The following PTPRG variants were observed in gnomAD, a reference collection of about 807,000 sequenced individuals.
PTPRG encodes receptor-type tyrosine-protein phosphatase gamma.
Under a neutral mutation model 165.3 loss-of-function variants are expected in PTPRG, and 102 were observed. That is an observed-to-expected ratio of 0.62 (90% CI 0.53 to 0.73). The LOEUF (loss-of-function observed/expected upper bound fraction) is 0.73, where lower values mean the gene tolerates loss of function less well. Ranked by LOEUF, PTPRG falls within the 30% of genes least tolerant of loss-of-function variation. The pLI, the probability that PTPRG is intolerant of heterozygous loss-of-function variation, is 0.00. For missense variants in PTPRG, 1,866 were observed against 1,861.4 expected (o/e 1.00, Z -0.05); for synonymous variants, 675 against 669.5 (o/e 1.01, Z -0.13).
intron 2 of PTPRG, among the ~76,000 whole-genome samples, chr3:61,958,448 A>T (rs143874647): frequency 4.8e-4 from 73 of 152,282 alleles, no homozygotes; most frequent in African/African-American, 1.6e-3. Context: ...ATTATCTTGA[A>T]TCGGGTAAAA....
chr3:61,638,591 G>GTTTTGT lies in PTPRG; in HGVS notation c.85+76223_85+76224insGTTTTT, dbSNP rs1701981345. ...AGGCACACACCACCATGCCTGGCTA[G>GTTTTGT]TTTTTTTTTTTTTTTTTTTTTTTTT... is the stretch of plus-strand genomic sequence containing the variant. On this transcript the variant is annotated intron_variant, in intron 1 of 29. Coordinates refer to ENST00000474889, the MANE Select transcript of PTPRG (RefSeq NM_002841.4). 3.4e-5 allele frequency among the ~76,000 whole-genome samples: 2 copies of GTTTTGT among 58,704 alleles called. 1 individual carries two copies. The highest frequency in any genetic ancestry group is 5.9e-5 in the Non-Finnish European group (2 of 33,640). 38.5% of individuals were successfully genotyped at this position (58,704 alleles called of 152,430 possible).
chr3:61,605,603 C>T (rs1700982321), intron 1 of PTPRG, among the ~76,000 whole-genome samples: 1 of 151,888 alleles, frequency 6.6e-6, no homozygotes, highest in Non-Finnish European at 1.5e-5. Flanking sequence ...GAGTCTTGCT[C>T]CGTCACCTAG....
At chr3:61,745,405 G>A (rs1158227876) in intron 1 of PTPRG, among the ~76,000 whole-genome samples, 1 of 152,150 alleles carries the variant, frequency 6.6e-6, no homozygotes, top group Non-Finnish European at 1.5e-5. Flanking sequence ...TGAGTGGTAG[G>A]TTGACAGTAG....
At chr3:61,910,999 C>T (rs1185537714) in intron 2 of PTPRG, among the ~76,000 whole-genome samples, 1 of 152,162 alleles carries the variant, frequency 6.6e-6, no homozygotes, top group African/African-American at 2.4e-5. Flanking sequence ...CTGGGCTCAG[C>T]ACCTCTTATT....
chr3:61,798,603 G>A (rs980268328), intron 2 of PTPRG, among the ~76,000 whole-genome samples: 1 of 137,670 alleles, frequency 7.3e-6, no homozygotes, highest in Non-Finnish European at 1.5e-5. Context: ...TCAAAGTGCT[G>A]TTGTTGTTGC....
chr3:61,777,189 T>G (rs1386788217), intron 2 of PTPRG, among the ~76,000 whole-genome samples: 1 of 152,262 alleles, frequency 6.6e-6, no homozygotes, highest in Non-Finnish European at 1.5e-5. Context: ...ATACAAGTGC[T>G]GTCCAACAGA....
chr3:62,181,630 T>C (rs1184049450), intron 8 of PTPRG, among the ~76,000 whole-genome samples: 2 of 152,224 alleles, frequency 1.3e-5, no homozygotes, highest in African/African-American at 4.8e-5. Flanking sequence ...TAGATGGGTT[T>C]AACCATTTTG....
chr3:61,784,564 C>T (rs2034640348), intron 2 of PTPRG, among the ~76,000 whole-genome samples: 1 of 152,078 alleles, frequency 6.6e-6, no homozygotes, highest in African/African-American at 2.4e-5. Flanking sequence ...CTTTAAGCTT[C>T]CACAAGACTT....
chr3:62,293,014 T>G, intron 29 of PTPRG, 147 bp from the exon 30 acceptor site: 2 of 652,200 alleles, frequency 3.1e-6, no homozygotes, highest in South Asian at 3.1e-5. Flanking sequence ...TTCAAATGAT[T>G]TTTTTTTTAG....
intron 4 of PTPRG, among the ~76,000 whole-genome samples, chr3:62,044,478 G>A (rs758174558): frequency 1.3e-5 from 2 of 152,044 alleles, no homozygotes; most frequent in East Asian, 3.9e-4. Context: ...GACAGAGGTT[G>A]CAGTTAGCTG....
At chr3:62,169,893 A>G (rs926902238) in intron 8 of PTPRG, among the ~76,000 whole-genome samples, 3 of 152,152 alleles carry the variant, frequency 2.0e-5, no homozygotes, top group Non-Finnish European at 2.9e-5. Flanking sequence ...AACAGGGGGA[A>G]TGGGATTCTA....
Position 62,213,737 on chromosome 3 carries a change from A to G in PTPRG, c.2156-5114A>G, listed in dbSNP as rs1018859722. 2.0e-5 allele frequency among the ~76,000 whole-genome samples: 3 copies of G among 152,162 alleles called. No homozygotes were observed. Among genetic ancestry groups the G allele is most frequent in the East Asian group, 1.9e-4 (1 of 5,180 alleles). On this transcript the variant is annotated intron_variant, in intron 12 of 29. Coordinates refer to ENST00000474889, the MANE Select transcript of PTPRG (RefSeq NM_002841.4). This position sits in a 1 kb window ranked among gnomAD's most constrained non-coding sequence, Gnocchi z 4.4. ...GTCTCTGGAGGCCTAGGCATGGGGA[A>G]GTTTAGCCTCATGGATTGTCGGTGT...
At chr3:61,922,899 G>A (rs780431795) in intron 2 of PTPRG, among the ~76,000 whole-genome samples, 15 of 152,132 alleles carry the variant, frequency 9.9e-5, no homozygotes, top group African/African-American at 3.6e-4. Context: ...GCTTGGCCTC[G>A]CAAAGTGTTG....
At chr3:61,795,639 CAAAAAAAAAAAAA>C (rs145136197) in intron 2 of PTPRG, among the ~76,000 whole-genome samples, 6 of 59,462 alleles carry the variant, frequency 1.0e-4, no homozygotes, top group African/African-American at 4.0e-4. Flanking sequence ...GACTCCGTCT[CAAAAAAAAAAAAA>C]AAAAAAAAAA....
chr3:61,595,285 G>A (rs943707458), intron 1 of PTPRG, among the ~76,000 whole-genome samples: 5 of 134,518 alleles, frequency 3.7e-5, no homozygotes, highest in South Asian at 5.9e-4. Flanking sequence ...ACATATTAAC[G>A]TTGTACTTCC....
At chr3:61,862,959 C>A (rs1000203539) in intron 2 of PTPRG, among the ~76,000 whole-genome samples, 3 of 152,174 alleles carry the variant, frequency 2.0e-5, no homozygotes, top group Non-Finnish European at 4.4e-5. Context: ...AGCAAACGAG[C>A]AGATTTCAGT....
chr3:61,725,542 C>T (rs1362413711), intron 1 of PTPRG, among the ~76,000 whole-genome samples: 1 of 152,164 alleles, frequency 6.6e-6, no homozygotes, highest in African/African-American at 2.4e-5. Flanking sequence ...CTTCTGGGTT[C>T]TCTATTCTGT....
intron 7 of PTPRG, among the ~76,000 whole-genome samples, chr3:62,164,598 C>T (rs1363558593): frequency 1.3e-5 from 2 of 152,178 alleles, no homozygotes; most frequent in South Asian, 2.1e-4. Context: ...TCAGTTCACT[C>T]CCAGAACCAT....
chr3:61,956,836 A>G (rs550223944), intron 2 of PTPRG, among the ~76,000 whole-genome samples: 2 of 152,140 alleles, frequency 1.3e-5, no homozygotes, highest in East Asian at 1.9e-4. Flanking sequence ...CTCTTTAGCT[A>G]TTTCCCTCTT....
Sources: allele counts gnomAD v4.1 joint callset (sites outside exome capture counted in the v4.1 genomes callset), GRCh38; gene constraint gnomAD v4.1.1; non-coding constraint Gnocchi (gnomAD v3.1); transcripts MANE v1.5; gene names NCBI Gene and HGNC (gene_info 2026-07-23, HGNC 2026-07-21).